ULK4: variants seen among roughly 807,000 people sequenced by gnomAD.
ULK4 encodes the protein unc-51 like kinase 4.
Under a neutral mutation model 160.6 loss-of-function variants are expected in ULK4, and 133 were observed. The observed-to-expected ratio is 0.83, with a 90% CI of 0.72 to 0.96. ULK4 has a LOEUF of 0.96. Among genes scored for constraint, ULK4 ranks in the 40% least tolerant of loss-of-function variants. The pLI is 0.00. For missense variants in ULK4, 1,580 were observed against 1,499.5 expected (o/e 1.05, Z -0.89); for synonymous variants, 534 against 539.8 (o/e 0.99, Z 0.15).
chr3:41,824,042 A>G (rs2041245941), intron 18 of ULK4, among the ~76,000 whole-genome samples: 1 of 151,998 alleles, frequency 6.6e-6, no homozygotes, highest in Admixed American at 6.6e-5. Flanking sequence ...GTACACTTGA[A>G]GTCCAAGCTA....
At chr3:41,835,521 A>T (rs987658299) in intron 18 of ULK4, among the ~76,000 whole-genome samples, 4 of 152,198 alleles carry the variant, frequency 2.6e-5, no homozygotes, top group East Asian at 3.9e-4. Flanking sequence ...CTTTCCATGG[A>T]AAGAACCAAT....
At chr3:41,776,116 C>G (rs1231637081) in intron 21 of ULK4, among the ~76,000 whole-genome samples, 2 of 151,004 alleles carry the variant, frequency 1.3e-5, no homozygotes, top group Non-Finnish European at 2.9e-5. Flanking sequence ...GCCAGCAATT[C>G]TGTCAGACTT....
At chr3:41,535,555 G>A (rs1575375109) in intron 32 of ULK4, among the ~76,000 whole-genome samples, 1 of 152,194 alleles carries the variant, frequency 6.6e-6, no homozygotes, top group East Asian at 1.9e-4. Flanking sequence ...ATAAACCAAT[G>A]ATTGAGGCAG....
At chr3:41,853,050 C>T (rs560919667) in intron 17 of ULK4, among the ~76,000 whole-genome samples, 2 of 152,314 alleles carry the variant, frequency 1.3e-5, no homozygotes, top group Non-Finnish European at 2.9e-5. Flanking sequence ...AACTGAAACA[C>T]TGCCTCTAAT....
At chr3:41,664,411 T>G (rs141825708) in intron 29 of ULK4, among the ~76,000 whole-genome samples, 1 of 151,978 alleles carries the variant, frequency 6.6e-6, no homozygotes, top group Non-Finnish European at 1.5e-5. Context: ...CTGTCTTCCA[T>G]GAGGGGTCAC....
At chr3:41,546,061 T>C (rs2086850621) in intron 32 of ULK4, among the ~76,000 whole-genome samples, 1 of 152,202 alleles carries the variant, frequency 6.6e-6, no homozygotes, top group South Asian at 2.1e-4. Flanking sequence ...GACCTGTTAA[T>C]TCCAACATCT....
intron 19 of ULK4, among the ~76,000 whole-genome samples, chr3:41,812,975 C>T (rs530583684): frequency 4.8e-4 from 73 of 152,186 alleles, no homozygotes; most frequent in Non-Finnish European, 9.4e-4. Flanking sequence ...AGAATTTCCA[C>T]ATGTCTAGAA....
chr3:41,915,229 G>A (rs958581825), intron 8 of ULK4, among the ~76,000 whole-genome samples: 16 of 152,030 alleles, frequency 1.1e-4, no homozygotes, highest in Non-Finnish European at 2.1e-4. Context: ...ATAAGTAAAG[G>A]ATGTTTGTCC....
intron 29 of ULK4, among the ~76,000 whole-genome samples, chr3:41,665,064 A>G (rs1575546181): frequency 6.6e-6 from 1 of 152,308 alleles, no homozygotes; most frequent in East Asian, 1.9e-4. Flanking sequence ...ACTTCTCTGG[A>G]ATAGCCAACA....
intron 2 of ULK4, among the ~76,000 whole-genome samples, chr3:41,953,461 C>T (rs899286906): frequency 6.6e-6 from 1 of 151,650 alleles, no homozygotes; most frequent in East Asian, 1.9e-4. Flanking sequence ...CACTACCACG[C>T]CCAGCTAATT....
intron 31 of ULK4, among the ~76,000 whole-genome samples, chr3:41,578,579 T>C (rs17278627): frequency 0.071 from 10,865 of 152,236 alleles, 582 homozygotes; most frequent in Admixed American, 0.13. Context: ...TTTTATTAAC[T>C]GAAATTAGAA....
chr3:41,917,219 A>G (rs1011035716), intron 7 of ULK4, among the ~76,000 whole-genome samples: 1 of 152,162 alleles, frequency 6.6e-6, no homozygotes, highest in Non-Finnish European at 1.5e-5. Context: ...AAGTAGTAGT[A>G]ATGGCCACAC....
chr3:41,896,773 T>A, intron 15 of ULK4, 49 bp downstream of exon 15: 1 of 1,531,446 alleles, frequency 6.5e-7, no homozygotes. Flanking sequence ...TGTTTGAGCC[T>A]CTATAAAAAC....
chr3:41,791,336 G>GC (rs1314810049), intron 20 of ULK4, among the ~76,000 whole-genome samples: 1 of 152,118 alleles, frequency 6.6e-6, no homozygotes, highest in Non-Finnish European at 1.5e-5. Flanking sequence ...CACCATGTTG[G>GC]CCAGGTTGGT....
At chr3:41,781,572 G>A (rs1299862664) in intron 21 of ULK4, among the ~76,000 whole-genome samples, 15 of 152,282 alleles carry the variant, frequency 9.9e-5, no homozygotes, top group East Asian at 5.8e-4. Context: ...ATGATATGAT[G>A]TATAGATTTT....
chr3:41,907,907 C>A lies in ULK4; in HGVS notation c.1120G>T (p.Glu374Ter). 1 of 1,606,414 alleles carries A rather than the reference C, an allele frequency of 6.2e-7. No individual in the cohort carries two copies. The highest frequency in any genetic ancestry group is 1.1e-5 in the South Asian group (1 of 89,770). The stretch of plus-strand genomic sequence containing the variant: ...GTCATATCCTCACCAGGACTTACTT[C>A]CACTGCAGTGCTAGTTCTGGGAGTA... ...RPTPRTSTAV[E>*]VSPGEDMTHC... The change falls in exon 12 of 37, where the codon GAA becomes TAA. Residue 374 changes from glutamate (E) to a stop codon, truncating the protein, a stop_gained. Coordinates refer to ENST00000301831, the MANE Select transcript of ULK4 (RefSeq NM_017886.4). LOFTEE classifies it high-confidence loss of function.
chr3:41,678,703 G>A (rs1031135229), intron 29 of ULK4, among the ~76,000 whole-genome samples: 4 of 152,192 alleles, frequency 2.6e-5, no homozygotes, highest in Non-Finnish European at 4.4e-5. Flanking sequence ...TTCCCTGTGC[G>A]AAGTGGGGAG....
intron 2 of ULK4, among the ~76,000 whole-genome samples, chr3:41,953,223 C>CAT (rs1254456214): frequency 6.7e-6 from 1 of 148,184 alleles, no homozygotes; most frequent in Non-Finnish European, 1.5e-5. Context: ...CTACTATATA[C>CAT]ATATATATAC....
chr3:41,657,122 G>A (rs1001556739), intron 30 of ULK4, among the ~76,000 whole-genome samples: 4 of 151,892 alleles, frequency 2.6e-5, no homozygotes, highest in Non-Finnish European at 5.9e-5. Flanking sequence ...AGATCCACCA[G>A]GGCAGTACTG....
Sources: gnomAD v4.1 joint callset for allele counts (sites outside exome capture counted in the v4.1 genomes callset) on GRCh38, gnomAD v4.1.1 for gene constraint, MANE v1.5 for transcripts, NCBI Gene and HGNC (gene_info 2026-07-23, HGNC 2026-07-21) for gene names.